Variants in CREG2 observed in about 807,000 individuals in gnomAD.
CREG2 encodes the protein cellular repressor of E1A stimulated genes 2.
In CREG2, 24 loss-of-function variants were observed where a neutral mutation model predicts 26.2. The ratio of observed to expected loss-of-function variants is 0.92; its 90% CI spans 0.66 to 1.29. The LOEUF is 1.29. CREG2 is among the 50% of genes most tolerant of loss of function. CREG2 has a pLI of 0.00. For missense variants in CREG2, 366 were observed against 398.6 expected, an observed-to-expected ratio of 0.92 and a Z score of 0.70; for synonymous variants, 174 against 169.2, an observed-to-expected ratio of 1.03 and a Z score of -0.22.
At chr2:101,379,913 A>T (rs148674858) in intron 2 of CREG2, among the ~76,000 whole-genome samples, 2,241 of 152,280 alleles carry the variant, frequency 0.015, 28 homozygotes, top group Middle Eastern at 0.027. Context: ...GAGACCAAGC[A>T]GGGGCAACTG....
intron 2 of CREG2, chr2:101,375,484 A>G (rs1684776310): frequency 6.6e-6 from 1 of 152,262 alleles, no homozygotes; most frequent in Non-Finnish European, 1.5e-5. Context: ...GGAAGAGGAA[A>G]AAGTACTCCT....
Position 101,373,268 on chromosome 2 carries a change from C to A in CREG2, c.611+10265G>T, listed in dbSNP as rs562538512. Reference sequence around the variant, plus strand: ...ATAAATAAAATGTGGTATATTCATGCAATGGAATATTACTCAGCCATAAAA... The same window carrying A: ...ATAAATAAAATGTGGTATATTCATGAAATGGAATATTACTCAGCCATAAAA... On this transcript the variant is annotated intron_variant, in intron 2 of 3. Transcript: ENST00000324768. Among the ~76,000 whole-genome samples, 5 of 152,242 alleles carry A rather than the reference C, an allele frequency of 3.3e-5. No homozygotes were observed. In the South Asian group the frequency reaches 1.0e-3, roughly 32 times the overall value.
At chr2:101,379,687 T>C (rs1421528638) in intron 2 of CREG2, among the ~76,000 whole-genome samples, 1 of 152,212 alleles carries the variant, frequency 6.6e-6, no homozygotes, top group African/African-American at 2.4e-5. Context: ...TGCTTTTAAT[T>C]TGATAAAACT....
intron 3 of CREG2, among the ~76,000 whole-genome samples, chr2:101,354,155 T>C (rs1684420337): frequency 6.6e-6 from 1 of 152,192 alleles, no homozygotes; most frequent in African/African-American, 2.4e-5. Flanking sequence ...ATGAACCTAA[T>C]GAACCCACTG....
chr2:101,378,952 G>A (rs1369139527), intron 2 of CREG2, among the ~76,000 whole-genome samples: 2 of 151,800 alleles, frequency 1.3e-5, no homozygotes, highest in South Asian at 2.1e-4. Flanking sequence ...GTTGCAGTGA[G>A]CCGAGATTGC....
Position 101,383,523 on chromosome 2 carries a change from C to T in CREG2, c.611+10G>A, listed in dbSNP as rs369282035. ...AGGACCCGTGTGAGTGAGGGCAAAC[C>T]GTCGTCTACCTGCAGAACTCCCCTT... On this transcript the variant is annotated intron_variant, in intron 2 of 3. Transcript: ENST00000324768. 7.2e-5 allele frequency: 116 copies of T among 1,613,042 alleles called. No individual in the cohort carries two copies. Among genetic ancestry groups the T allele is most frequent in the African/African-American group, 1.3e-4 (10 of 74,890 alleles).
At chr2:101,375,272 C>T (rs551225696) in intron 2 of CREG2, among the ~76,000 whole-genome samples, 1 of 152,170 alleles carries the variant, frequency 6.6e-6, no homozygotes, top group African/African-American at 2.4e-5. Flanking sequence ...GGGCTTCAAT[C>T]CATTCCATGG....
At position 101,387,400 on chromosome 2, in the gene CREG2, GC is replaced by G; in HGVS notation, c.57del (p.Leu20CysfsTer14). The G allele has an allele frequency of 7.8e-7, 1 of 1,277,200 alleles. No individual in the cohort carries two copies. The highest frequency in any genetic ancestry group is 2.4e-4 in the Middle Eastern group (1 of 4,176). 79.1% of individuals were successfully genotyped at this position (1,277,200 alleles called of 1,614,324 possible). On this transcript the variant is annotated frameshift_variant, in exon 1 of 4. Transcript: ENST00000324768. LOFTEE classifies it high-confidence loss of function. This position sits in a 1 kb window ranked among gnomAD's most constrained non-coding sequence, Gnocchi z 4.7. ...PARPGTRLSW[L>X]LCCSALLSPA... ...GGGGACAGCAGGGCGCTGCAGCACA[GC>G]AGCCAGGAGAGGCGGGTCCCCGGCC... is the stretch of plus-strand genomic sequence containing the variant.
At chr2:101,382,251 C>T (rs1684886820) in intron 2 of CREG2, 1 of 152,916 alleles carries the variant, frequency 6.5e-6, no homozygotes, top group Non-Finnish European at 1.5e-5. Flanking sequence ...AACCCTGTCT[C>T]TACTAAAAAT....
At position 101,347,433 on chromosome 2, in the gene CREG2, C is replaced by A. The variant is rs1433041986; in HGVS notation, c.*3490G>T. 1 of 152,158 alleles carries A rather than the reference C, an allele frequency of 6.6e-6. No homozygotes were observed. Among genetic ancestry groups the A allele is most frequent in the Non-Finnish European group, 1.5e-5 (1 of 68,038 alleles). The allele number at this position is 152,158 out of a possible 1,614,324, so 9.4% of individuals were successfully genotyped here. A position where few individuals can be genotyped will look rare whatever the true frequency, so the allele number is the denominator to read the frequency against. ...TGGCTGTTCCATTTTCTATTCCCAC[C>A]ACTAGTGTATGACTGACCCGGTTTA... On this transcript the variant is annotated 3_prime_UTR_variant, in exon 4 of 4. Transcript: ENST00000324768.
At position 101,387,365 on chromosome 2, in the gene CREG2, GC is replaced by G; in HGVS notation, c.92del (p.Gly31AlafsTer3). On this transcript the variant is annotated frameshift_variant, in exon 1 of 4. Transcript: ENST00000324768. LOFTEE classifies it high-confidence loss of function. The surrounding 1 kb of genome is among the most constrained non-coding windows in gnomAD (Gnocchi z 4.7). Reference protein sequence around the residue: ...CCSALLSPAAGYVIVSSVSWA... With the variant: ...CCSALLSPAAXYVIVSSVSWA... Reference sequence around the variant, plus strand: ...AAGACACGGAGCTCACGATCACGTAGCCCGCGGCCGGGGACAGCAGGGCGCT... The same window carrying G: ...AAGACACGGAGCTCACGATCACGTAGCCGCGGCCGGGGACAGCAGGGCGCT... The G allele has an allele frequency of 7.0e-7, 1 of 1,422,070 alleles. No homozygotes were observed. The highest frequency in any genetic ancestry group is 9.3e-7 in the Non-Finnish European group (1 of 1,073,686). The allele number at this position is 1,422,070 out of a possible 1,614,324, so 88.1% of individuals were successfully genotyped here. A position where few individuals can be genotyped will look rare whatever the true frequency, so the allele number is the denominator to read the frequency against.
intron 2 of CREG2, among the ~76,000 whole-genome samples, chr2:101,373,271 T>C (rs1383113210): frequency 6.6e-6 from 1 of 152,172 alleles, no homozygotes; most frequent in Non-Finnish European, 1.5e-5. Context: ...ATTCATGCAA[T>C]GGAATATTAC....
rs1339576904 is a variant in CREG2 at position 101,348,279 on chromosome 2, C to T, written c.*2644G>A. The T allele has an allele frequency of 6.6e-6, 1 of 152,184 alleles. No individual in the cohort carries two copies. Among genetic ancestry groups the T allele is most frequent in the Non-Finnish European group, 1.5e-5 (1 of 68,030 alleles). 9.4% of individuals were successfully genotyped at this position (152,184 alleles called of 1,614,324 possible). ...TTTTACAAGACTGTTTTAGCTATTT[C>T]AATGCCTGTGCCTTTCCATGTAACT... On this transcript the variant is annotated 3_prime_UTR_variant, in exon 4 of 4. Coordinates refer to ENST00000324768, the MANE Select transcript of CREG2 (RefSeq NM_153836.4).
rs1270098611 is a variant in CREG2, at chr2:101,359,054, AAAAAAAAAAAAAAAAAAAG to A, written c.612-3707_612-3689del. 7.7e-4 allele frequency among the ~76,000 whole-genome samples: 14 copies of A among 18,170 alleles called. 5 individuals are homozygous for A. The East Asian group carries it at 0.022, about 28-fold the overall frequency. 11.9% of individuals were successfully genotyped at this position (18,170 alleles called of 152,430 possible). ...CGTCTCAAAAAAAAAAAAAAAAAAAAAAAAAAAAAAAAAAAAAAGAGAGAACTGAGGCAAGTTTTAGAGC... is the reference window on the plus strand; with the variant it reads ...CGTCTCAAAAAAAAAAAAAAAAAAAAAGAGAACTGAGGCAAGTTTTAGAGC... On this transcript the variant is annotated intron_variant, in intron 2 of 3. Coordinates refer to ENST00000324768, the MANE Select transcript of CREG2 (RefSeq NM_153836.4).
chr2:101,351,109 A>G, intron 3 of CREG2, 39 bp from the exon 4 acceptor site: 1 of 1,603,036 alleles, frequency 6.2e-7, no homozygotes, highest in South Asian at 1.1e-5. Flanking sequence ...AGCTGCTCTT[A>G]TCAGAGAGGT....
intron 2 of CREG2, chr2:101,382,388 T>C (rs927210899): frequency 1.5e-6 from 1 of 646,084 alleles, no homozygotes; most frequent in African/African-American, 2.1e-5. Flanking sequence ...ATTGCGCCAC[T>C]GCACTCCAGT....
intron 2 of CREG2, among the ~76,000 whole-genome samples, chr2:101,359,247 C>T (rs1308776544): frequency 6.6e-6 from 1 of 152,146 alleles, no homozygotes; most frequent in African/African-American, 2.4e-5. Context: ...ACTTCTGGGG[C>T]CTTGCATCCC....
Position 101,377,113 on chromosome 2 carries a change from T to C in CREG2, c.611+6420A>G, listed in dbSNP as rs182164150. On this transcript the variant is annotated intron_variant, in intron 2 of 3. Transcript: ENST00000324768. ...GTTTTACTTGTACTAAAACGATCTGTCCACAAATATAAAACTCTAAGTGAT... is the reference window on the plus strand; with the variant it reads ...GTTTTACTTGTACTAAAACGATCTGCCCACAAATATAAAACTCTAAGTGAT... 5.3e-4 allele frequency among the ~76,000 whole-genome samples: 80 copies of C among 152,318 alleles called. 1 individual carries two copies. The highest frequency in any genetic ancestry group is 4.4e-5 in the Non-Finnish European group (3 of 68,042).
intron 2 of CREG2, among the ~76,000 whole-genome samples, chr2:101,378,444 C>T (rs1684822271): frequency 6.6e-6 from 1 of 152,242 alleles, no homozygotes; most frequent in Non-Finnish European, 1.5e-5. Flanking sequence ...TAATACGTCC[C>T]TCTCATCCTT....
Sources: allele counts gnomAD v4.1 joint callset (sites outside exome capture counted in the v4.1 genomes callset), GRCh38; gene constraint gnomAD v4.1.1; non-coding constraint Gnocchi (gnomAD v3.1); transcripts MANE v1.5; gene names NCBI Gene and HGNC (gene_info 2026-07-23, HGNC 2026-07-21).